The following SEMA5A variants were observed in gnomAD, a reference collection of about 807,000 sequenced individuals.
SEMA5A encodes the protein semaphorin 5A, also known as semaphorin-5A.
SEMA5A carries 55 observed loss-of-function variants against 135.5 expected under a neutral mutation model. The ratio of observed to expected loss-of-function variants is 0.41; its 90% confidence interval spans 0.33 to 0.51. SEMA5A has a LOEUF of 0.51. Ranked by LOEUF, SEMA5A falls within the 20% of genes least tolerant of loss-of-function variation. SEMA5A has a pLI of 0.37. For missense variants in SEMA5A, 1,290 were observed against 1,419.9 expected (o/e 0.91, Z 1.47); for synonymous variants, 580 against 546.5 (o/e 1.06, Z -0.85).
chr5:9,417,050 T>C (rs1757306352), intron 2 of SEMA5A, among the ~76,000 whole-genome samples: 1 of 152,258 alleles, frequency 6.6e-6, no homozygotes, highest in African/African-American at 2.4e-5. Flanking sequence ...CCTGGTACAC[T>C]CATTGAACAG....
intron 5 of SEMA5A, among the ~76,000 whole-genome samples, chr5:9,252,293 A>G (rs927624506): frequency 5.9e-5 from 9 of 152,192 alleles, no homozygotes; most frequent in Non-Finnish European, 8.8e-5. Context: ...TCACAAAGTC[A>G]TCGATTCGAA....
chr5:9,122,761 G>T lies in SEMA5A; in HGVS notation c.1676C>A (p.Ala559Asp), dbSNP rs760558138. 1.2e-6 allele frequency: 2 copies of T among 1,613,558 alleles called. No homozygotes were observed. The highest frequency in any genetic ancestry group is 1.1e-5 in the South Asian group (1 of 91,050). The change falls in exon 14 of 23, where the codon GCC becomes GAC. Residue 559 changes from alanine to aspartate, a missense_variant. Coordinates refer to ENST00000382496, the MANE Select transcript of SEMA5A (RefSeq NM_003966.3). ...WTPCTHTDGSAVGSCLCRTRS... is the reference protein window; with the variant it reads ...WTPCTHTDGSDVGSCLCRTRS... ...GGTTCGACAGAGGCAGGATCCCACG[G>T]CGCTGCCATCTGTGTGCGTGCAAGG...
At chr5:9,412,583 G>A (rs59378565) in intron 2 of SEMA5A, among the ~76,000 whole-genome samples, 1 of 125,400 alleles carries the variant, frequency 8.0e-6, no homozygotes, top group Non-Finnish European at 1.6e-5. Flanking sequence ...AACGGATTCA[G>A]ATTTTGCATT....
intron 3 of SEMA5A, among the ~76,000 whole-genome samples, chr5:9,373,900 A>C (rs1266707113): frequency 6.6e-6 from 1 of 152,216 alleles, no homozygotes; most frequent in East Asian, 1.9e-4. Flanking sequence ...AACTTTAATC[A>C]ATAAACAAAC....
intron 3 of SEMA5A, among the ~76,000 whole-genome samples, chr5:9,365,540 T>C (rs1391830756): frequency 2.0e-5 from 3 of 152,142 alleles, no homozygotes; most frequent in African/African-American, 7.2e-5. Flanking sequence ...TCTTGATTAC[T>C]GAGTGTTTCA....
chr5:9,052,109 G>A, intron 19 of SEMA5A, 81 bp from the exon 20 acceptor site: 1 of 1,390,730 alleles, frequency 7.2e-7, no homozygotes, highest in Middle Eastern at 2.6e-4. Flanking sequence ...AGTTACATAT[G>A]TGATTTCTGG....
At position 9,197,037 on chromosome 5, in the gene SEMA5A, C is replaced by T. The variant is rs1745424207; in HGVS notation, c.1068+131G>A. 8 of 1,293,196 alleles carry T rather than the reference C, an allele frequency of 6.2e-6. No homozygotes were observed. In the South Asian group the frequency reaches 1.1e-4, roughly 18 times the overall value. The allele number at this position is 1,293,196 out of a possible 1,614,324, so 80.1% of individuals were successfully genotyped here. A position where few individuals can be genotyped will look rare whatever the true frequency, so the allele number is the denominator to read the frequency against. On this transcript the variant is annotated intron_variant, in intron 10 of 22. Coordinates refer to ENST00000382496, the MANE Select transcript of SEMA5A (RefSeq NM_003966.3). Reference sequence around the variant, plus strand: ...ATTAGCCAGCAGAGTATGGGGCTGTCCATGAGGGGCCAGGGAGACAGCTGC... The same window carrying T: ...ATTAGCCAGCAGAGTATGGGGCTGTTCATGAGGGGCCAGGGAGACAGCTGC...
In SEMA5A at chr5:9,428,122, C is replaced by CTCTATCTATCTA. The variant is rs70943964; in HGVS notation, c.-78+9622_-78+9633dup. Among the ~76,000 whole-genome samples the CTCTATCTATCTA allele has an allele frequency of 4.8e-3, 652 of 135,710 alleles. 4 individuals carry two copies. Among genetic ancestry groups the CTCTATCTATCTA allele is most frequent in the Middle Eastern group, 7.3e-3 (2 of 274 alleles). The allele number at this position is 135,710 out of a possible 152,430, so 89.0% of individuals were successfully genotyped here. On this transcript the variant is annotated intron_variant, in intron 2 of 22. Transcript: ENST00000382496. ...TATATATATATATATATATATTCAA[C>CTCTATCTATCTA]TCTATCTATCTATCTATCTATCTAT...
At position 9,165,292 on chromosome 5, in the gene SEMA5A, A is replaced by C. The variant is rs1743540661; in HGVS notation, c.1274-10597T>G. 4.6e-5 allele frequency among the ~76,000 whole-genome samples: 7 copies of C among 152,232 alleles called. No homozygotes were observed. The South Asian group carries it at 1.4e-3, about 31-fold the overall frequency. Reference sequence around the variant, plus strand: ...AAAATTCTTATTTTGTATGAAAAGAAAAAAGTCCTACCCACAAAGAAAAGG... The same window carrying C: ...AAAATTCTTATTTTGTATGAAAAGACAAAAGTCCTACCCACAAAGAAAAGG... On this transcript the variant is annotated intron_variant, in intron 11 of 22. Transcript: ENST00000382496.
At position 9,207,102 on chromosome 5, in the gene SEMA5A, GTATATATATATATA is replaced by G. The variant is rs70943947; in HGVS notation, c.647-4876_647-4863del. Among the ~76,000 whole-genome samples the G allele has an allele frequency of 9.6e-3, 936 of 97,676 alleles. 24 individuals are homozygous for G. The highest frequency in any genetic ancestry group is 0.034 in the African/African-American group (878 of 25,670). The allele number at this position is 97,676 out of a possible 152,430, so 64.1% of individuals were successfully genotyped here. ...ACATAATGATAATGAATGATCAAGTGTATATATATATATATATATATATATATATATAAAGCTTA... is the reference window on the plus strand; with the variant it reads ...ACATAATGATAATGAATGATCAAGTGTATATATATATATATATAAAGCTTA... On this transcript the variant is annotated intron_variant, in intron 8 of 22. Transcript: ENST00000382496.
At chr5:9,410,895 G>T (rs1340750520) in intron 2 of SEMA5A, among the ~76,000 whole-genome samples, 1 of 148,662 alleles carries the variant, frequency 6.7e-6, no homozygotes, top group African/African-American at 2.5e-5. Flanking sequence ...AGACATTCAA[G>T]CCGCCTACAT....
intron 12 of SEMA5A, among the ~76,000 whole-genome samples, chr5:9,147,087 A>G (rs1360796234): frequency 5.9e-5 from 9 of 152,172 alleles, no homozygotes; most frequent in Admixed American, 5.2e-4. Flanking sequence ...ATATTTAATT[A>G]AGAAAGGTGT....
chr5:9,302,828 A>G lies in SEMA5A; in HGVS notation c.270+15544T>C, dbSNP rs576944212. 2.6e-5 allele frequency among the ~76,000 whole-genome samples: 4 copies of G among 152,304 alleles called. No homozygotes were observed. In the East Asian group the frequency reaches 7.7e-4, roughly 29 times the overall value. On this transcript the variant is annotated intron_variant, in intron 5 of 22. Transcript: ENST00000382496. ...CTTAGGCTCTAAACAGCAGGAAGAAAAAGAGGCCGCTTGACAAATACTAAT... is the reference window on the plus strand; with the variant it reads ...CTTAGGCTCTAAACAGCAGGAAGAAGAAGAGGCCGCTTGACAAATACTAAT...
At chr5:9,043,124 C>T (rs1736052694) in intron 22 of SEMA5A, 108 bp from the exon 23 acceptor site, 2 of 961,694 alleles carry the variant, frequency 2.1e-6, no homozygotes, top group Non-Finnish European at 3.0e-6. Context: ...TGCTAAGACT[C>T]CATATTTTAA....
Position 9,044,535 on chromosome 5 carries a change from G to C in SEMA5A, c.2943C>G (p.Leu981=), listed in dbSNP as rs11741172. Residue 981 remains leucine, a synonymous_variant, in exon 22 of 23, where the codon CTC becomes CTG. Coordinates refer to ENST00000382496, the MANE Select transcript of SEMA5A (RefSeq NM_003966.3). ...MIAVGLSSSI[L]GCLLTLLVYT... ...AGACGAGCAGGGTGAGGAGGCAGCC[G>C]AGGATGGAGCTGCTCAGCCCCACGG... 8.1e-5 allele frequency: 131 copies of C among 1,613,870 alleles called. No homozygotes were observed. Among genetic ancestry groups the C allele is most frequent in the Non-Finnish European group, 1.0e-4 (122 of 1,180,014 alleles).
At chr5:9,469,734 T>C (rs961006359) in intron 1 of SEMA5A, among the ~76,000 whole-genome samples, 1 of 152,176 alleles carries the variant, frequency 6.6e-6, no homozygotes, top group African/African-American at 2.4e-5. Flanking sequence ...TTCCAAATTA[T>C]AAATGGCAGA....
chr5:9,281,058 A>T (rs956593132), intron 5 of SEMA5A, among the ~76,000 whole-genome samples: 25 of 152,206 alleles, frequency 1.6e-4, no homozygotes, highest in Admixed American at 7.2e-4. Flanking sequence ...TACTTTATAG[A>T]TGAGAAACCA....
In SEMA5A at chr5:9,042,633, C is replaced by T. The variant is rs1342247254; in HGVS notation, c.*264G>A. ...AATGCTCAAAAAACAAACCAATGGA[C>T]TTGTCAGAAAAATAGGATGAACACA... On this transcript the variant is annotated 3_prime_UTR_variant, in exon 23 of 23. Coordinates refer to ENST00000382496, the MANE Select transcript of SEMA5A (RefSeq NM_003966.3). 4 of 396,418 alleles carry T rather than the reference C, an allele frequency of 1.0e-5. No homozygotes were observed. The highest frequency in any genetic ancestry group is 1.8e-5 in the Non-Finnish European group (4 of 222,034). 24.6% of individuals were successfully genotyped at this position (396,418 alleles called of 1,614,324 possible).
intron 1 of SEMA5A, among the ~76,000 whole-genome samples, chr5:9,476,274 G>T (rs570867092): frequency 5.3e-5 from 8 of 152,136 alleles, no homozygotes; most frequent in African/African-American, 1.9e-4. Context: ...GGAAGCATCA[G>T]ATCAATTAAT....
Sources: allele counts gnomAD v4.1 joint callset (sites outside exome capture counted in the v4.1 genomes callset), GRCh38; gene constraint gnomAD v4.1.1; transcripts MANE v1.5; gene names NCBI Gene and HGNC (gene_info 2026-07-23, HGNC 2026-07-21).